PRKN: variants seen among roughly 807,000 people sequenced by gnomAD.
PRKN encodes E3 ubiquitin-protein ligase parkin.
A neutral mutation model predicts 59.5 loss-of-function variants in PRKN; 56 were observed. The observed-to-expected ratio is 0.94, with a 90% CI of 0.76 to 1.18. The LOEUF (loss-of-function observed/expected upper bound fraction) is 1.18. Ranked by LOEUF, PRKN falls within the 50% of genes most tolerant of loss-of-function variation. PRKN has a pLI of 0.00. For synonymous variants in PRKN, 250 were observed against 222.1 expected, an observed-to-expected ratio of 1.13 and a Z score of -1.12; for missense variants, 657 against 596.4, an observed-to-expected ratio of 1.10 and a Z score of -1.06.
At chr6:162,716,359 A>G (rs73599990) in intron 1 of PRKN, among the ~76,000 whole-genome samples, 2,015 of 152,300 alleles carry the variant, frequency 0.013, 41 homozygotes, top group African/African-American at 0.045. Flanking sequence ...CAACTTAATA[A>G]TTTAAAATTC....
At chr6:162,584,991 C>G (rs112139045) in intron 1 of PRKN, among the ~76,000 whole-genome samples, 12 of 149,278 alleles carry the variant, frequency 8.0e-5, no homozygotes, top group Non-Finnish European at 1.5e-4. Context: ...ACCTCCACCT[C>G]CTGGGTTCAA....
intron 1 of PRKN, among the ~76,000 whole-genome samples, chr6:162,686,279 C>A (rs1340207510): frequency 6.6e-6 from 1 of 152,142 alleles, no homozygotes; most frequent in Non-Finnish European, 1.5e-5. Flanking sequence ...TGGTGCCCAG[C>A]TGGCTGAACA....
chr6:162,024,404 T>G (rs2128277032), intron 5 of PRKN, among the ~76,000 whole-genome samples: 1 of 152,030 alleles, frequency 6.6e-6, no homozygotes, highest in East Asian at 1.9e-4. Flanking sequence ...GCTATGTTGG[T>G]CAGGCTGGTC....
chr6:161,703,621 T>G (rs1384662258), intron 7 of PRKN, among the ~76,000 whole-genome samples: 1 of 152,178 alleles, frequency 6.6e-6, no homozygotes, highest in East Asian at 1.9e-4. Context: ...TTAGCTCTCA[T>G]GTTGACTTTT....
chr6:162,475,688 C>A (rs4709629), intron 1 of PRKN, among the ~76,000 whole-genome samples: 1 of 151,376 alleles, frequency 6.6e-6, no homozygotes, highest in Non-Finnish European at 1.5e-5. Flanking sequence ...GTCATGCCTC[C>A]GGAAGTACAA....
At chr6:162,585,546 A>G (rs1781008206) in intron 1 of PRKN, among the ~76,000 whole-genome samples, 1 of 152,150 alleles carries the variant, frequency 6.6e-6, no homozygotes. Context: ...TCATAATTCT[A>G]TTCTTCTCTT....
chr6:161,894,010 C>G (rs1232249251), intron 6 of PRKN, among the ~76,000 whole-genome samples: 1 of 152,194 alleles, frequency 6.6e-6, no homozygotes, highest in Non-Finnish European at 1.5e-5. Flanking sequence ...CATTATCGAT[C>G]CTATTCCTAT....
At chr6:161,782,501 G>A (rs560789056) in intron 7 of PRKN, among the ~76,000 whole-genome samples, 8 of 152,206 alleles carry the variant, frequency 5.3e-5, no homozygotes, top group South Asian at 4.2e-4. Context: ...GAAAGAGAAC[G>A]TAGATAAAGG....
chr6:161,503,740 A>C lies in PRKN; in HGVS notation c.1083+45114T>G, dbSNP rs1427974948. On this transcript the variant is annotated intron_variant, in intron 9 of 11. Transcript: ENST00000366898. This position sits in a 1 kb window ranked among gnomAD's most constrained non-coding sequence, Gnocchi z 5.1. ...GTTGCTGTTTTAAAAAAGAGGTTGT[A>C]AACATCACTCACTGCACCACAGGGT... Among the ~76,000 whole-genome samples, 2 of 152,204 alleles carry C rather than the reference A, an allele frequency of 1.3e-5. No individual in the cohort carries two copies. The highest frequency in any genetic ancestry group is 4.8e-5 in the African/African-American group (2 of 41,448).
chr6:162,131,496 A>G (rs1229571152), intron 4 of PRKN, among the ~76,000 whole-genome samples: 2 of 152,174 alleles, frequency 1.3e-5, no homozygotes, highest in Admixed American at 1.3e-4. Context: ...ACTGCTATAG[A>G]TGTGGAAGGG....
At chr6:162,089,135 T>A (rs1262958097) in intron 4 of PRKN, among the ~76,000 whole-genome samples, 1 of 152,058 alleles carries the variant, frequency 6.6e-6, no homozygotes, top group Non-Finnish European at 1.5e-5. Context: ...AGGAAATAAA[T>A]GCAAATCACA....
rs1266316592 is a variant in PRKN at position 161,473,911 on chromosome 6, TG to T, written c.1083+74942del. 6.6e-6 allele frequency among the ~76,000 whole-genome samples: 1 copy of T among 152,116 alleles called. No individual in the cohort carries two copies. The highest frequency in any genetic ancestry group is 2.4e-5 in the African/African-American group (1 of 41,430). ...ATTTTTATATACAAGATCGCTAGGA[TG>T]GAGGGCATGACTTGTGTATGTAGAC... On this transcript the variant is annotated intron_variant, in intron 9 of 11. Transcript: ENST00000366898. The surrounding 1 kb of genome is among the most constrained non-coding windows in gnomAD (Gnocchi z 4.1).
chr6:162,532,910 G>A (rs1778571135), intron 1 of PRKN, among the ~76,000 whole-genome samples: 1 of 152,200 alleles, frequency 6.6e-6, no homozygotes, highest in Non-Finnish European at 1.5e-5. Flanking sequence ...GCAGGAACTG[G>A]AAGTCATCAT....
chr6:162,450,889 T>A (rs1029821342), intron 1 of PRKN, among the ~76,000 whole-genome samples: 1 of 152,150 alleles, frequency 6.6e-6, no homozygotes, highest in African/African-American at 2.4e-5. Context: ...GTATCAGCAT[T>A]CTTTCATTAA....
intron 1 of PRKN, among the ~76,000 whole-genome samples, chr6:162,564,192 A>G (rs9456793): frequency 0.31 from 46,622 of 151,796 alleles, 7,615 homozygotes; most frequent in East Asian, 0.49. Context: ...AAAAAATACA[A>G]AAATTAGCCA....
rs1374824817 is a variant in PRKN at position 161,445,127 on chromosome 6, AC to A, written c.1084-58251del. 2.6e-5 allele frequency among the ~76,000 whole-genome samples: 4 copies of A among 152,078 alleles called. No homozygotes were observed. The highest frequency in any genetic ancestry group is 4.4e-5 in the Non-Finnish European group (3 of 68,014). ...CTAAAACCCATAATTCTTGAACTTGACGTGCTCAGCCTCTCCAAAGCCGCGG... is the reference window on the plus strand; with the variant it reads ...CTAAAACCCATAATTCTTGAACTTGAGTGCTCAGCCTCTCCAAAGCCGCGG... On this transcript the variant is annotated intron_variant, in intron 9 of 11. Transcript: ENST00000366898. The surrounding 1 kb of genome is among the most constrained non-coding windows in gnomAD (Gnocchi z 7.7).
chr6:162,399,976 T>C (rs1305490207), intron 2 of PRKN, among the ~76,000 whole-genome samples: 1 of 152,112 alleles, frequency 6.6e-6, no homozygotes, highest in Admixed American at 6.5e-5. Flanking sequence ...GAGGCCAAAG[T>C]GGGCGGATCA....
chr6:161,923,632 CAT>C (rs1453829412), intron 6 of PRKN, among the ~76,000 whole-genome samples: 1 of 152,156 alleles, frequency 6.6e-6, no homozygotes, highest in African/African-American at 2.4e-5. Flanking sequence ...ATGAATATAA[CAT>C]AGTTATTACT....
chr6:162,116,177 CTTGAT>C (rs1780664433), intron 4 of PRKN, among the ~76,000 whole-genome samples: 2 of 152,130 alleles, frequency 1.3e-5, no homozygotes, highest in African/African-American at 4.8e-5. Context: ...TTTCAATTTA[CTTGAT>C]TTAACAAGCT....
Sources: gnomAD v4.1 joint callset for allele counts (sites outside exome capture counted in the v4.1 genomes callset) on GRCh38, gnomAD v4.1.1 for gene constraint, Gnocchi (gnomAD v3.1) non-coding constraint, MANE v1.5 for transcripts, NCBI Gene and HGNC (gene_info 2026-07-23, HGNC 2026-07-21) for gene names.